Variants in AGBL4 observed in about 807,000 individuals in gnomAD.
AGBL4 encodes cytosolic carboxypeptidase 6.
In AGBL4, 58 loss-of-function variants were observed where a neutral mutation model predicts 66.4. That is an observed-to-expected ratio of 0.87 (90% CI 0.71 to 1.09). The LOEUF (loss-of-function observed/expected upper bound fraction) is 1.09. Among genes scored for constraint, AGBL4 ranks in the 50% least tolerant of loss-of-function variants. AGBL4 has a pLI of 0.00. For missense variants in AGBL4, 579 were observed against 631.0 expected, an observed-to-expected ratio of 0.92 and a Z score of 0.88; for synonymous variants, 234 against 222.9, an observed-to-expected ratio of 1.05 and a Z score of -0.44.
At chr1:49,211,630 A>C (rs1328294441) in intron 4 of AGBL4, among the ~76,000 whole-genome samples, 1 of 152,022 alleles carries the variant, frequency 6.6e-6, no homozygotes, top group Non-Finnish European at 1.5e-5. Flanking sequence ...TATTTATCAC[A>C]TTTTTTTGAA....
chr1:48,634,852 T>A (rs1645644276), intron 8 of AGBL4, among the ~76,000 whole-genome samples: 1 of 152,214 alleles, frequency 6.6e-6, no homozygotes, highest in Non-Finnish European at 1.5e-5. Context: ...TTCAAAAGTA[T>A]TTCTGTGGTG....
chr1:49,222,876 T>C (rs1162442306), intron 4 of AGBL4, among the ~76,000 whole-genome samples: 1 of 152,190 alleles, frequency 6.6e-6, no homozygotes, highest in African/African-American at 2.4e-5. Context: ...GGCAAGGGTC[T>C]AGAGTACAGA....
intron 11 of AGBL4, among the ~76,000 whole-genome samples, chr1:48,555,130 C>T (rs1310787834): frequency 4.0e-5 from 6 of 151,518 alleles, no homozygotes; most frequent in Admixed American, 3.9e-4. Context: ...ATATTGGAGA[C>T]ACCCTGGAAG....
At chr1:49,448,655 G>A (rs796300407) in intron 3 of AGBL4, among the ~76,000 whole-genome samples, 4 of 152,128 alleles carry the variant, frequency 2.6e-5, no homozygotes, top group Admixed American at 6.5e-5. Flanking sequence ...AATCCACAAA[G>A]GTAAGAAGAT....
intron 1 of AGBL4, among the ~76,000 whole-genome samples, chr1:49,864,452 T>A (rs759769642): frequency 5.3e-5 from 8 of 152,102 alleles, no homozygotes; most frequent in Non-Finnish European, 1.0e-4. Context: ...AAACAGCTAG[T>A]GAATCCTGCA....
intron 1 of AGBL4, among the ~76,000 whole-genome samples, chr1:49,852,325 G>C (rs1055405586): frequency 1.2e-4 from 18 of 152,098 alleles, no homozygotes; most frequent in Non-Finnish European, 5.9e-5. Context: ...CCATACAAAT[G>C]AGTAAGAAAG....
chr1:48,588,856 A>AGAAGG (rs1553191790), intron 10 of AGBL4, among the ~76,000 whole-genome samples: 9 of 143,190 alleles, frequency 6.3e-5, no homozygotes, highest in African/African-American at 1.8e-4. Context: ...AGAAGAGAAG[A>AGAAGG]GAAGGGAAGA....
At chr1:49,297,668 A>C (rs918903517) in intron 3 of AGBL4, among the ~76,000 whole-genome samples, 1 of 152,186 alleles carries the variant, frequency 6.6e-6, no homozygotes, top group African/African-American at 2.4e-5. Flanking sequence ...GAAACTGAAA[A>C]AGCATAAAAC....
intron 1 of AGBL4, among the ~76,000 whole-genome samples, chr1:49,917,640 C>T (rs1289433967): frequency 6.6e-6 from 1 of 152,054 alleles, no homozygotes; most frequent in Non-Finnish European, 1.5e-5. Flanking sequence ...TAATGGGAGA[C>T]TTTAACACCC....
At position 49,237,557 on chromosome 1, in the gene AGBL4, T is replaced by C. The variant is rs1370072815; in HGVS notation, c.377+8213A>G. ...ATATATATATATATATATATATATA[T>C]ATATATATATATATATAAAACCTAT... On this transcript the variant is annotated intron_variant, in intron 4 of 13. Coordinates refer to ENST00000371839, the MANE Select transcript of AGBL4 (RefSeq NM_032785.4). Among the ~76,000 whole-genome samples the C allele has an allele frequency of 2.1e-3, 282 of 134,172 alleles. 2 individuals carry two copies. Among genetic ancestry groups the C allele is most frequent in the Non-Finnish European group, 3.2e-3 (203 of 63,604 alleles). The allele number at this position is 134,172 out of a possible 152,430, so 88.0% of individuals were successfully genotyped here.
At chr1:49,067,530 T>C (rs750207516) in intron 4 of AGBL4, among the ~76,000 whole-genome samples, 4 of 152,180 alleles carry the variant, frequency 2.6e-5, no homozygotes, top group Non-Finnish European at 5.9e-5. Flanking sequence ...CTGTTCTCTC[T>C]TTTGAACGTT....
chr1:49,341,847 C>T (rs1322567493), intron 3 of AGBL4, among the ~76,000 whole-genome samples: 1 of 152,204 alleles, frequency 6.6e-6, no homozygotes, highest in Non-Finnish European at 1.5e-5. Flanking sequence ...GCCTCCCTGA[C>T]CCTGCGACAG....
intron 3 of AGBL4, among the ~76,000 whole-genome samples, chr1:49,256,004 T>C (rs1465341613): frequency 6.6e-6 from 1 of 151,974 alleles, no homozygotes; most frequent in Non-Finnish European, 1.5e-5. Context: ...CTGGGGCCTA[T>C]GGGAGAGTAA....
intron 4 of AGBL4, among the ~76,000 whole-genome samples, chr1:49,238,476 T>G (rs1650960737): frequency 6.6e-6 from 1 of 152,166 alleles, no homozygotes; most frequent in South Asian, 2.1e-4. Context: ...AGCCCATTCT[T>G]AAGTGGGTGG....
intron 4 of AGBL4, among the ~76,000 whole-genome samples, chr1:49,158,917 T>C (rs1281406700): frequency 6.7e-6 from 1 of 149,800 alleles, no homozygotes; most frequent in Non-Finnish European, 1.5e-5. Flanking sequence ...ACTTGCTTGG[T>C]AAATCTTCCT....
chr1:49,434,729 G>C (rs1645864857), intron 3 of AGBL4, among the ~76,000 whole-genome samples: 1 of 151,492 alleles, frequency 6.6e-6, no homozygotes, highest in African/African-American at 2.4e-5. Flanking sequence ...GGTGGTGGTG[G>C]TGGTGTGTGT....
At chr1:49,982,213 C>A (rs977657991) in intron 1 of AGBL4, among the ~76,000 whole-genome samples, 1 of 152,216 alleles carries the variant, frequency 6.6e-6, no homozygotes, top group Non-Finnish European at 1.5e-5. Context: ...CCATCTAGAG[C>A]CCCTGCTGCC....
At chr1:49,201,550 G>A (rs1475723094) in intron 4 of AGBL4, among the ~76,000 whole-genome samples, 2 of 152,136 alleles carry the variant, frequency 1.3e-5, no homozygotes, top group Non-Finnish European at 2.9e-5. Flanking sequence ...TAGAATGTGT[G>A]TGACTGTACT....
intron 9 of AGBL4, among the ~76,000 whole-genome samples, chr1:48,609,250 T>C (rs913124342): frequency 1.3e-5 from 2 of 152,156 alleles, no homozygotes; most frequent in East Asian, 3.8e-4. Context: ...AGCATGCCAC[T>C]CCTCCACTTA....
Sources: gnomAD v4.1 joint callset for allele counts (sites outside exome capture counted in the v4.1 genomes callset) on GRCh38, gnomAD v4.1.1 for gene constraint, MANE v1.5 for transcripts, NCBI Gene and HGNC (gene_info 2026-07-23, HGNC 2026-07-21) for gene names.